HEY2: variants seen among roughly 807,000 people sequenced by gnomAD.
The protein encoded by HEY2 is hairy/enhancer-of-split related with YRPW motif protein 2.
A neutral mutation model predicts 18.1 loss-of-function variants in HEY2; 10 were observed. The ratio of observed to expected loss-of-function variants is 0.55; its 90% CI spans 0.34 to 0.94. The LOEUF is 0.94. Ranked by LOEUF, HEY2 falls within the 40% of genes least tolerant of loss-of-function variation. HEY2 has a pLI of 0.02. For missense variants in HEY2, 455 were observed against 455.9 expected (o/e 1.00, Z 0.02); for synonymous variants, 210 against 182.7 (o/e 1.15, Z -1.21).
Position 125,761,153 on chromosome 6 carries a change from T to C in HEY2, c.*1351T>C, listed in dbSNP as rs1399465598. On this transcript the variant is annotated 3_prime_UTR_variant, in exon 5 of 5. Coordinates refer to ENST00000368364, the MANE Select transcript of HEY2 (RefSeq NM_012259.3). ...GAATGTTAAACGTTATGCAAAATTA[T>C]ACTTTTAAATATTTGTTTTGAAATT... is the stretch of plus-strand genomic sequence containing the variant. 6.5e-6 allele frequency: 1 copy of C among 152,672 alleles called. No homozygotes were observed. Among genetic ancestry groups the C allele is most frequent in the Non-Finnish European group, 1.5e-5 (1 of 68,038 alleles). The allele number at this position is 152,672 out of a possible 1,614,324, so 9.5% of individuals were successfully genotyped here. A position where few individuals can be genotyped will look rare whatever the true frequency, so the allele number is the denominator to read the frequency against.
chr6:125,756,222 CCTGA>C (rs1031719143), intron 4 of HEY2, among the ~76,000 whole-genome samples: 3 of 152,192 alleles, frequency 2.0e-5, no homozygotes, highest in Admixed American at 1.3e-4. Context: ...ATACACGTCA[CCTGA>C]CTGTCAGGCC....
At chr6:125,751,581 T>C (rs1773543484) in intron 1 of HEY2, among the ~76,000 whole-genome samples, 1 of 152,208 alleles carries the variant, frequency 6.6e-6, no homozygotes, top group South Asian at 2.1e-4. Context: ...TTTTGGCCAA[T>C]GGGTTAGCAT....
rs778006042 is a variant in HEY2, at chr6:125,759,268, C to G, written c.480C>G (p.Cys160Trp). The G allele has an allele frequency of 1.9e-6, 3 of 1,607,690 alleles. No individual in the cohort carries two copies. Among genetic ancestry groups the G allele is most frequent in the East Asian group, 4.5e-5 (2 of 44,862 alleles). ...RVRLVSHLSTCATQREAAAMT... is the reference protein window; with the variant it reads ...RVRLVSHLSTWATQREAAAMT... ...GGCTTGTGTCTCATCTCAGCACTTG[C>G]GCCACCCAGCGGGAGGCGGCGGCCA... The change falls in exon 5 of 5, where the codon TGC (cysteine) becomes TGG (tryptophan). Residue 160 changes from cysteine to tryptophan, a missense_variant. Coordinates refer to ENST00000368364, the MANE Select transcript of HEY2 (RefSeq NM_012259.3).
In HEY2 at chr6:125,756,450, C is replaced by G. The variant is rs139453446; in HGVS notation, c.328+1904C>G. Reference sequence around the variant, plus strand: ...GGCATGGTGGTGCATGCCTGTAATCCCAGCTACTCAGGAGGCTGAGGCAGG... The same window carrying G: ...GGCATGGTGGTGCATGCCTGTAATCGCAGCTACTCAGGAGGCTGAGGCAGG... On this transcript the variant is annotated intron_variant, in intron 4 of 4. Transcript: ENST00000368364. Among the ~76,000 whole-genome samples the G allele has an allele frequency of 5.7e-3, 867 of 152,184 alleles. 8 individuals carry two copies. The highest frequency in any genetic ancestry group is 0.02 in the African/African-American group (812 of 41,514).
Position 125,759,771 on chromosome 6 carries a change from G to A in HEY2, c.983G>A (p.Arg328Gln), listed in dbSNP as rs749983444. ...TSSGTNNKPY[R>Q]PWGTEVGAF ...AGTGGAACAAACAATAAACCTTACCGACCCTGGGGGACAGAAGTTGGAGCT... is the reference window on the plus strand; with the variant it reads ...AGTGGAACAAACAATAAACCTTACCAACCCTGGGGGACAGAAGTTGGAGCT... The change falls in exon 5 of 5, where the codon CGA becomes CAA. Residue 328 changes from arginine to glutamine, a missense_variant. Coordinates refer to ENST00000368364, the MANE Select transcript of HEY2 (RefSeq NM_012259.3). 1.9e-6 allele frequency: 3 copies of A among 1,613,784 alleles called. No homozygotes were observed. The highest frequency in any genetic ancestry group is 2.2e-5 in the South Asian group (2 of 91,074).
chr6:125,756,524 G>T (rs529472104), intron 4 of HEY2, among the ~76,000 whole-genome samples: 3 of 151,996 alleles, frequency 2.0e-5, no homozygotes, highest in African/African-American at 4.8e-5. Flanking sequence ...CCGAGATCGC[G>T]CCATTGCACT....
At position 125,759,694 on chromosome 6, in the gene HEY2, C is replaced by T. The variant is rs1322056557; in HGVS notation, c.906C>T (p.Ala302=). Residue 302 remains alanine (A), a synonymous_variant, in exon 5 of 5, where the codon GCC becomes GCT. Transcript: ENST00000368364. ...NAAAAVAAAT[A]ISPPLSVSAT... Reference sequence around the variant, plus strand: ...CAGCAGCAGTGGCCGCGGCCACAGCCATCAGCCCGCCCTTGTCAGTATCAG... The same window carrying T: ...CAGCAGCAGTGGCCGCGGCCACAGCTATCAGCCCGCCCTTGTCAGTATCAG... 8 of 1,612,926 alleles carry T rather than the reference C, an allele frequency of 5.0e-6. No homozygotes were observed. Among genetic ancestry groups the T allele is most frequent in the African/African-American group, 2.7e-5 (2 of 74,924 alleles).
At chr6:125,752,433 A>AAAG (rs1411636665) in intron 3 of HEY2, among the ~76,000 whole-genome samples, 1 of 151,504 alleles carries the variant, frequency 6.6e-6, no homozygotes, top group Non-Finnish European at 1.5e-5. Flanking sequence ...CCTTCAAAAA[A>AAAG]AAAAAAAAAA....
Position 125,749,699 on chromosome 6 carries a change from A to C in HEY2, c.-78A>C, listed in dbSNP as rs1298947449. 1.9e-6 allele frequency: 2 copies of C among 1,051,912 alleles called. No individual in the cohort carries two copies. Among genetic ancestry groups the C allele is most frequent in the Non-Finnish European group, 2.7e-6 (2 of 729,856 alleles). The allele number at this position is 1,051,912 out of a possible 1,614,324, so 65.2% of individuals were successfully genotyped here. Reference sequence around the variant, plus strand: ...GCCTGCCCAGGCCCGGGGAGGGAGGAGGCGGGCGTCAGGGTGCTGCGCCCC... The same window carrying C: ...GCCTGCCCAGGCCCGGGGAGGGAGGCGGCGGGCGTCAGGGTGCTGCGCCCC... On this transcript the variant is annotated 5_prime_UTR_variant, in exon 1 of 5. Transcript: ENST00000368364.
In HEY2 at chr6:125,759,178, A is replaced by C. The variant is rs781201919; in HGVS notation, c.390A>C (p.Leu130=). 6.8e-6 allele frequency: 11 copies of C among 1,613,516 alleles called. No individual in the cohort carries two copies. The African/African-American group carries it at 1.5e-4, about 22-fold the overall frequency. The change falls in exon 5 of 5, where the codon CTA becomes CTC. Residue 130 remains leucine (L), a synonymous_variant. Coordinates refer to ENST00000368364, the MANE Select transcript of HEY2 (RefSeq NM_012259.3). ...DFMSIGFREC[L]TEVARYLSSV... is the part of the protein sequence containing the mutation. ...TGAGCATAGGATTCCGAGAGTGCCT[A>C]ACAGAAGTTGCGCGGTACCTGAGCT... is the stretch of plus-strand genomic sequence containing the variant.
Position 125,749,784 on chromosome 6 carries a change from G to C in HEY2, c.8G>C (p.Arg3Pro). Reference protein sequence around the residue: MKRPCEETTSESD... With the variant: MKPPCEETTSESD... Reference sequence around the variant, plus strand: ...CGCGCGGTCTTCGCCGGGATGAAGCGCCCCTGCGAGGAGACGACCTCCGAG... The same window carrying C: ...CGCGCGGTCTTCGCCGGGATGAAGCCCCCCTGCGAGGAGACGACCTCCGAG... Residue 3 changes from arginine to proline, a missense_variant, in exon 1 of 5, where the codon CGC (arginine) becomes CCC (proline). By Grantham distance (103) the Arg-to-Pro change is moderately radical (BLOSUM62 -2). Transcript: ENST00000368364. 1 of 1,574,926 alleles carries C rather than the reference G, an allele frequency of 6.3e-7. No homozygotes were observed. The highest frequency in any genetic ancestry group is 8.6e-7 in the Non-Finnish European group (1 of 1,161,226).
intron 4 of HEY2, among the ~76,000 whole-genome samples, chr6:125,755,337 C>T (rs1773633595): frequency 6.6e-6 from 1 of 152,212 alleles, no homozygotes; most frequent in Non-Finnish European, 1.5e-5. Flanking sequence ...ACAACTCAGA[C>T]TTGATTTTGT....
chr6:125,758,638 A>G (rs1305029848), intron 4 of HEY2, among the ~76,000 whole-genome samples: 1 of 152,240 alleles, frequency 6.6e-6, no homozygotes, highest in African/African-American at 2.4e-5. Flanking sequence ...TGCACTTGGC[A>G]TCTCTGTTAA....
At chr6:125,754,909 G>A (rs778416407) in intron 4 of HEY2, among the ~76,000 whole-genome samples, 1 of 152,182 alleles carries the variant, frequency 6.6e-6, no homozygotes, top group Non-Finnish European at 1.5e-5. Context: ...TAAACAGGAG[G>A]TTAGAGGTAA....
At chr6:125,757,485 C>A (rs1368919832) in intron 4 of HEY2, among the ~76,000 whole-genome samples, 6 of 152,144 alleles carry the variant, frequency 3.9e-5, no homozygotes, top group African/African-American at 1.4e-4. Flanking sequence ...CCACAAATAT[C>A]TTTTGGGAAC....
chr6:125,749,740 T>C lies in HEY2; in HGVS notation c.-37T>C. ...GCTGCGCCCCGCTCGGCGTCCGAGC[T>C]TCCGGCCGGGCTGTGCCCCGCGCGG... is the stretch of plus-strand genomic sequence containing the variant. On this transcript the variant is annotated 5_prime_UTR_variant, in exon 1 of 5. Coordinates refer to ENST00000368364, the MANE Select transcript of HEY2 (RefSeq NM_012259.3). 1.3e-6 allele frequency: 2 copies of C among 1,525,352 alleles called. No individual in the cohort carries two copies. Among genetic ancestry groups the C allele is most frequent in the Non-Finnish European group, 1.8e-6 (2 of 1,128,554 alleles). 94.5% of individuals were successfully genotyped at this position (1,525,352 alleles called of 1,614,324 possible). A position where few individuals can be genotyped will look rare whatever the true frequency, so the allele number is the denominator to read the frequency against.
chr6:125,753,572 A>T (rs1773593915), intron 3 of HEY2, among the ~76,000 whole-genome samples: 1 of 151,800 alleles, frequency 6.6e-6, no homozygotes, highest in African/African-American at 2.4e-5. Context: ...TAAAAAAGAA[A>T]AAAAAAGAGA....
intron 4 of HEY2, among the ~76,000 whole-genome samples, chr6:125,756,893 T>C (rs1448076167): frequency 3.9e-5 from 6 of 152,240 alleles, no homozygotes; most frequent in East Asian, 1.9e-4. Flanking sequence ...TATGTTACTG[T>C]TGGCCCAAGA....
At chr6:125,756,362 G>A (rs1773656692) in intron 4 of HEY2, among the ~76,000 whole-genome samples, 1 of 152,044 alleles carries the variant, frequency 6.6e-6, no homozygotes, top group Non-Finnish European at 1.5e-5. Flanking sequence ...GAGGTCCAGA[G>A]TTTCAGACCA....
Sources: allele counts gnomAD v4.1 joint callset (sites outside exome capture counted in the v4.1 genomes callset), GRCh38; gene constraint gnomAD v4.1.1; transcripts MANE v1.5; gene names NCBI Gene and HGNC (gene_info 2026-07-23, HGNC 2026-07-21).